Variants in ATXN1 observed in about 807,000 individuals in gnomAD.
The protein encoded by ATXN1 is ataxin-1.
Under a neutral mutation model 56.4 loss-of-function variants are expected in ATXN1, and 8 were observed. That is an observed-to-expected ratio of 0.14 (90% CI 0.08 to 0.26). ATXN1 has a LOEUF of 0.26. Ranked by LOEUF, ATXN1 falls within the 10% of genes least tolerant of loss-of-function variation. The pLI is 1.00. For synonymous variants in ATXN1, 514 were observed against 494.6 expected (o/e 1.04, Z -0.52); for missense variants, 987 against 1,106.5 (o/e 0.89, Z 1.53).
In ATXN1 at chr6:16,761,286, A is replaced by G. The variant is rs1307416068; in HGVS notation, c.-730+12T>C. On this transcript the variant is annotated intron_variant, in intron 1 of 7. Coordinates refer to ENST00000436367, the MANE Select transcript of ATXN1 (RefSeq NM_001128164.2). ...GAAAGAATCGGAGGAGGAAAAAAAA[A>G]TAGTCACTTACTGTAAAGTGTAAAT... 4.4e-6 allele frequency: 2 copies of G among 450,940 alleles called. No individual in the cohort carries two copies. The highest frequency in any genetic ancestry group is 1.6e-5 in the South Asian group (1 of 64,202). 27.9% of individuals were successfully genotyped at this position (450,940 alleles called of 1,614,324 possible). A position where few individuals can be genotyped will look rare whatever the true frequency, so the allele number is the denominator to read the frequency against.
chr6:16,443,049 G>A (rs2113600704), intron 6 of ATXN1, among the ~76,000 whole-genome samples: 1 of 151,900 alleles, frequency 6.6e-6, no homozygotes, highest in South Asian at 2.1e-4. Context: ...GGGCATGGTG[G>A]GGCACACCTG....
intron 3 of ATXN1, among the ~76,000 whole-genome samples, chr6:16,633,830 C>T (rs750861606): frequency 1.3e-5 from 2 of 152,090 alleles, no homozygotes; most frequent in African/African-American, 2.4e-5. Context: ...TAAAGACAGT[C>T]CAAGGAAAAA....
intron 2 of ATXN1, among the ~76,000 whole-genome samples, chr6:16,744,491 C>T (rs1479664677): frequency 6.6e-6 from 1 of 152,088 alleles, no homozygotes; most frequent in Non-Finnish European, 1.5e-5. Flanking sequence ...AGACATGTTT[C>T]TACCCACTGC....
chr6:16,603,790 G>C (rs920418239), intron 3 of ATXN1, among the ~76,000 whole-genome samples: 2 of 152,176 alleles, frequency 1.3e-5, no homozygotes, highest in African/African-American at 4.8e-5. Flanking sequence ...AAACTGGCCT[G>C]GTGGCTGTGG....
chr6:16,334,330 A>G (rs920921521), intron 6 of ATXN1, among the ~76,000 whole-genome samples: 1 of 152,178 alleles, frequency 6.6e-6, no homozygotes. Flanking sequence ...GATCTGGTTT[A>G]ATAATGGTTT....
At chr6:16,558,909 A>G (rs186293395) in intron 4 of ATXN1, among the ~76,000 whole-genome samples, 20 of 152,236 alleles carry the variant, frequency 1.3e-4, no homozygotes, top group Admixed American at 9.8e-4. Context: ...TAGCTGTTAC[A>G]TGCTCCTAAA....
intron 1 of ATXN1, among the ~76,000 whole-genome samples, chr6:16,759,530 GTTTTTT>G (rs1046854905): frequency 2.8e-4 from 13 of 45,924 alleles, no homozygotes; most frequent in Middle Eastern, 0.011. Context: ...TCTTCCGACT[GTTTTTT>G]TTTTTTTTTT....
At chr6:16,701,914 G>A (rs1759292973) in intron 2 of ATXN1, among the ~76,000 whole-genome samples, 1 of 152,122 alleles carries the variant, frequency 6.6e-6, no homozygotes, top group Non-Finnish European at 1.5e-5. Flanking sequence ...ACTGCCCAAG[G>A]TAATTTATAG....
intron 7 of ATXN1, among the ~76,000 whole-genome samples, chr6:16,314,146 T>C (rs1457597893): frequency 1.3e-5 from 2 of 152,206 alleles, no homozygotes; most frequent in Non-Finnish European, 2.9e-5. Flanking sequence ...GTGAACTACC[T>C]AGACAATGTA....
chr6:16,424,830 C>G (rs1312313328), intron 6 of ATXN1, among the ~76,000 whole-genome samples: 1 of 152,188 alleles, frequency 6.6e-6, no homozygotes, highest in East Asian at 1.9e-4. Context: ...CCATTCAGAA[C>G]CTTCAGGAAG....
rs1759848677 is a variant in ATXN1, at chr6:16,726,346, A to T, written c.-615+26887T>A. ...CAGTGAGTCAAGATTGCATCACTGC[A>T]CTCCAGTCTGGGTGGCAGAGCAAGA... is the stretch of plus-strand genomic sequence containing the variant. On this transcript the variant is annotated intron_variant, in intron 2 of 7. Transcript: ENST00000436367. 2.1e-5 allele frequency among the ~76,000 whole-genome samples: 3 copies of T among 143,896 alleles called. No individual in the cohort carries two copies. In the South Asian group the frequency reaches 6.7e-4, roughly 32 times the overall value. The allele number at this position is 143,896 out of a possible 152,430, so 94.4% of individuals were successfully genotyped here. A position where few individuals can be genotyped will look rare whatever the true frequency, so the allele number is the denominator to read the frequency against.
At chr6:16,548,781 G>A (rs9477157) in intron 4 of ATXN1, among the ~76,000 whole-genome samples, 4,567 of 151,992 alleles carry the variant, frequency 0.03, 242 homozygotes, top group African/African-American at 0.1. Flanking sequence ...AAAATTAGCC[G>A]GCGTGGTGGT....
At chr6:16,476,454 G>T (rs1514329) in intron 6 of ATXN1, among the ~76,000 whole-genome samples, 79,626 of 151,510 alleles carry the variant, frequency 0.53, 21,310 homozygotes, top group East Asian at 0.8. Flanking sequence ...CTATCTTTAT[G>T]ACCTGTGCAC....
chr6:16,441,814 A>G (rs1323731061), intron 6 of ATXN1, among the ~76,000 whole-genome samples: 2 of 152,168 alleles, frequency 1.3e-5, no homozygotes, highest in Non-Finnish European at 2.9e-5. Flanking sequence ...GAAAGGAGAA[A>G]GTGTTAAACA....
chr6:16,594,607 C>A (rs1267948163), intron 3 of ATXN1, among the ~76,000 whole-genome samples: 1 of 151,920 alleles, frequency 6.6e-6, no homozygotes, highest in African/African-American at 2.4e-5. Flanking sequence ...CTCAGCCTCC[C>A]GAGTATCTGG....
chr6:16,594,847 G>A (rs879733760), intron 3 of ATXN1, among the ~76,000 whole-genome samples: 3 of 152,174 alleles, frequency 2.0e-5, no homozygotes, highest in Non-Finnish European at 4.4e-5. Flanking sequence ...ACATTGGTGA[G>A]TTTATACTTT....
At chr6:16,525,143 A>G (rs1761366309) in intron 4 of ATXN1, among the ~76,000 whole-genome samples, 2 of 152,220 alleles carry the variant, frequency 1.3e-5, no homozygotes, top group African/African-American at 4.8e-5. Flanking sequence ...ACAAGTTGCC[A>G]TATGATCCAG....
At chr6:16,448,508 A>T (rs1324767566) in intron 6 of ATXN1, among the ~76,000 whole-genome samples, 1 of 152,138 alleles carries the variant, frequency 6.6e-6, no homozygotes, top group Non-Finnish European at 1.5e-5. Flanking sequence ...GTACTATTGA[A>T]TCCTAAAACT....
chr6:16,599,690 AC>A (rs1469187739), intron 3 of ATXN1, among the ~76,000 whole-genome samples: 1 of 151,426 alleles, frequency 6.6e-6, no homozygotes, highest in Non-Finnish European at 1.5e-5. Flanking sequence ...CAGCCTGGTG[AC>A]AGAGTGAAAC....
Sources: gnomAD v4.1 joint callset for allele counts (sites outside exome capture counted in the v4.1 genomes callset) on GRCh38, gnomAD v4.1.1 for gene constraint, MANE v1.5 for transcripts, NCBI Gene and HGNC (gene_info 2026-07-23, HGNC 2026-07-21) for gene names.